ADCY5: variants seen among roughly 807,000 people sequenced by gnomAD.
ADCY5 encodes adenylate cyclase type 5.
ADCY5 carries 30 observed loss-of-function variants against 119.7 expected under a neutral mutation model. The ratio of observed to expected loss-of-function variants is 0.25; its 90% CI spans 0.19 to 0.34. The LOEUF (loss-of-function observed/expected upper bound fraction) is 0.34. Ranked by LOEUF, ADCY5 falls within the 10% of genes least tolerant of loss-of-function variation. The pLI is 1.00. For missense variants in ADCY5, 1,324 were observed against 1,775.2 expected, an observed-to-expected ratio of 0.75 and a Z score of 4.57; for synonymous variants, 753 against 762.2, an observed-to-expected ratio of 0.99 and a Z score of 0.20.
intron 3 of ADCY5, among the ~76,000 whole-genome samples, chr3:123,346,607 T>TCTCTCTCTCTCTCTCTC (rs1316376575): frequency 2.3e-5 from 3 of 128,072 alleles, no homozygotes; most frequent in Non-Finnish European, 5.3e-5. Flanking sequence ...CAGCCTCACC[T>TCTCTCTCTCTCTCTCTC]TCTCTCTCTC....
intron 1 of ADCY5, among the ~76,000 whole-genome samples, chr3:123,417,306 C>A (rs1402690761): frequency 1.3e-5 from 2 of 152,228 alleles, no homozygotes; most frequent in Non-Finnish European, 2.9e-5. Flanking sequence ...TTCAGGAAGT[C>A]AGTGAGAGGC....
intron 1 of ADCY5, among the ~76,000 whole-genome samples, chr3:123,434,797 C>A (rs930578340): frequency 3.9e-5 from 6 of 152,086 alleles, no homozygotes; most frequent in Non-Finnish European, 7.4e-5. Context: ...ATAGCCCTAC[C>A]TTCCCTTCCT....
chr3:123,315,465 T>C (rs1576560662), intron 11 of ADCY5, among the ~76,000 whole-genome samples: 1 of 152,090 alleles, frequency 6.6e-6, no homozygotes, highest in Non-Finnish European at 1.5e-5. Context: ...GCAGGGCAGG[T>C]AACTGAGATG....
chr3:123,326,177 G>A (rs1941474909), intron 7 of ADCY5, among the ~76,000 whole-genome samples: 1 of 152,208 alleles, frequency 6.6e-6, no homozygotes, highest in Non-Finnish European at 1.5e-5. Context: ...GGCCCAAGAG[G>A]CCACTTCCAA....
At position 123,367,978 on chromosome 3, in the gene ADCY5, C is replaced by T. The variant is rs184506473; in HGVS notation, c.1135-15397G>A. ...GGCCTGGGCCCTACCCAGCACTACACAGGCTGCCCTGTGGGGATGGAGGGG... is the reference window on the plus strand; with the variant it reads ...GGCCTGGGCCCTACCCAGCACTACATAGGCTGCCCTGTGGGGATGGAGGGG... On this transcript the variant is annotated intron_variant, in intron 1 of 20. Transcript: ENST00000462833. The T allele has an allele frequency of 3.7e-5, 56 of 1,524,082 alleles. No individual in the cohort carries two copies. In the East Asian group the frequency reaches 1.2e-3, roughly 31 times the overall value. 94.4% of individuals were successfully genotyped at this position (1,524,082 alleles called of 1,614,324 possible). A position where few individuals can be genotyped will look rare whatever the true frequency, so the allele number is the denominator to read the frequency against.
chr3:123,299,404 A>G (rs1030091933), intron 15 of ADCY5, among the ~76,000 whole-genome samples: 4 of 152,176 alleles, frequency 2.6e-5, no homozygotes, highest in African/African-American at 9.7e-5. Context: ...TTTTACAAAG[A>G]AAAAATTATG....
In ADCY5 at chr3:123,324,404, C is replaced by CCACA. The variant is rs10522987; in HGVS notation, c.2088+914_2088+917dup. 4.2e-3 allele frequency among the ~76,000 whole-genome samples: 462 copies of CCACA among 109,684 alleles called. 2 individuals are homozygous for CCACA. The highest frequency in any genetic ancestry group is 6.7e-3 in the Non-Finnish European group (346 of 51,642). The allele number at this position is 109,684 out of a possible 152,430, so 72.0% of individuals were successfully genotyped here. A position where few individuals can be genotyped will look rare whatever the true frequency, so the allele number is the denominator to read the frequency against. ...CCTTCACTAAGTGGCCACACAGAAA[C>CCACA]CACACACACACACACACACACACAC... On this transcript the variant is annotated intron_variant, in intron 8 of 20. Transcript: ENST00000462833.
At chr3:123,304,608 C>T (rs960068038) in intron 12 of ADCY5, among the ~76,000 whole-genome samples, 7 of 151,878 alleles carry the variant, frequency 4.6e-5, no homozygotes, top group African/African-American at 1.5e-4. Context: ...GAGTGGGCAG[C>T]GGTGAGTTTA....
chr3:123,291,462 GA>G (rs1434449120), intron 17 of ADCY5, 86 bp from the exon 18 acceptor site: 25 of 1,507,944 alleles, frequency 1.7e-5, no homozygotes, highest in Non-Finnish European at 2.0e-5. Flanking sequence ...GTGGCCTGGA[GA>G]AAAAGCACCA....
At chr3:123,324,785 A>C (rs993874434) in intron 8 of ADCY5, among the ~76,000 whole-genome samples, 1 of 152,208 alleles carries the variant, frequency 6.6e-6, no homozygotes, top group Non-Finnish European at 1.5e-5. Flanking sequence ...TCCCACTGGA[A>C]GGCTGGCATT....
Position 123,448,894 on chromosome 3 carries a change from G to C in ADCY5, c.-349C>G, listed in dbSNP as rs939518726. On this transcript the variant is annotated 5_prime_UTR_variant, in exon 1 of 21. Coordinates refer to ENST00000462833, the MANE Select transcript of ADCY5 (RefSeq NM_183357.3). ...CGAGCTCGACGAGGGCCGGAGTTGC[G>C]GACGAGACGGGACGGAGTGGTGTCC... 1 of 218,172 alleles carries C rather than the reference G, an allele frequency of 4.6e-6. No homozygotes were observed. The highest frequency in any genetic ancestry group is 2.3e-5 in the African/African-American group (1 of 44,064). 13.5% of individuals were successfully genotyped at this position (218,172 alleles called of 1,614,324 possible).
chr3:123,315,224 C>T (rs1940848961), intron 11 of ADCY5, among the ~76,000 whole-genome samples: 1 of 152,240 alleles, frequency 6.6e-6, no homozygotes, highest in South Asian at 2.1e-4. Flanking sequence ...GGCAGGTGAA[C>T]ACCTCTAGGG....
At chr3:123,365,078 C>T (rs923370597) in intron 1 of ADCY5, among the ~76,000 whole-genome samples, 4 of 151,928 alleles carry the variant, frequency 2.6e-5, no homozygotes, top group Non-Finnish European at 2.9e-5. Context: ...GGATTACAGG[C>T]GCCCACCACC....
chr3:123,390,791 T>C (rs946868648), intron 1 of ADCY5, among the ~76,000 whole-genome samples: 2 of 152,178 alleles, frequency 1.3e-5, no homozygotes, highest in Non-Finnish European at 2.9e-5. Flanking sequence ...CAGCTCCTTC[T>C]CACCTTTGCC....
intron 1 of ADCY5, among the ~76,000 whole-genome samples, chr3:123,393,444 T>G (rs1271169689): frequency 6.6e-6 from 1 of 151,904 alleles, no homozygotes; most frequent in African/African-American, 2.4e-5. Context: ...GTAGCCTTAG[T>G]TACCAGGGAG....
intron 1 of ADCY5, among the ~76,000 whole-genome samples, chr3:123,363,143 GAAAAAAAAA>G (rs58854772): frequency 2.0e-5 from 1 of 50,090 alleles, no homozygotes; most frequent in Non-Finnish European, 4.7e-5. Flanking sequence ...ATTCCTTCTT[GAAAAAAAAA>G]AAAAAAAAAA....
In ADCY5 at chr3:123,448,684, G is replaced by GCA; in HGVS notation, c.-140_-139insTG. The GCA allele has an allele frequency of 2.8e-6, 2 of 705,510 alleles. No individual in the cohort carries two copies. The highest frequency in any genetic ancestry group is 3.9e-6 in the Non-Finnish European group (2 of 506,868). The allele number at this position is 705,510 out of a possible 1,614,324, so 43.7% of individuals were successfully genotyped here. A position where few individuals can be genotyped will look rare whatever the true frequency, so the allele number is the denominator to read the frequency against. ...GCGGCCCGGGGCCCTGCGCTGCAGC[G>GCA]GGGCATCTTGGCACCCCCGTCCTGA... On this transcript the variant is annotated 5_prime_UTR_variant, in exon 1 of 21. An upstream open reading frame in the 5' UTR loses its in-frame stop. Transcript: ENST00000462833.
intron 1 of ADCY5, among the ~76,000 whole-genome samples, chr3:123,412,556 T>C (rs564840452): frequency 6.6e-6 from 1 of 152,234 alleles, no homozygotes; most frequent in East Asian, 1.9e-4. Context: ...CGGTGGCAGA[T>C]AGAGCTCGGA....
At chr3:123,380,793 C>T (rs981711455) in intron 1 of ADCY5, among the ~76,000 whole-genome samples, 2 of 152,210 alleles carry the variant, frequency 1.3e-5, no homozygotes, top group African/African-American at 2.4e-5. Flanking sequence ...ATGTCATCAA[C>T]ATCATTACCG....
Sources: allele counts gnomAD v4.1 joint callset (sites outside exome capture counted in the v4.1 genomes callset), GRCh38; gene constraint gnomAD v4.1.1; transcripts MANE v1.5; gene names NCBI Gene and HGNC (gene_info 2026-07-23, HGNC 2026-07-21).